Variants in RBFOX1 observed in about 807,000 individuals in gnomAD.
RBFOX1 encodes RNA binding protein fox-1 homolog 1.
Under a neutral mutation model 57.7 loss-of-function variants are expected in RBFOX1, and 8 were observed. The observed-to-expected ratio is 0.14, with a 90% CI of 0.08 to 0.25. RBFOX1 has a LOEUF of 0.25. Ranked by LOEUF, RBFOX1 falls within the 10% of genes least tolerant of loss-of-function variation. The pLI, the probability that RBFOX1 is intolerant of heterozygous loss-of-function variation, is 1.00. For missense variants in RBFOX1, 611 were observed against 548.5 expected (o/e 1.11, Z -1.14); for synonymous variants, 326 against 222.4 (o/e 1.47, Z -4.15).
chr16:7,481,536 T>A (rs1296366760), intron 4 of RBFOX1, among the ~76,000 whole-genome samples: 1 of 152,230 alleles, frequency 6.6e-6, no homozygotes, highest in African/African-American at 2.4e-5. Context: ...GCTGCTAGGC[T>A]GATTTGAAAG....
At chr16:7,243,626 T>C (rs922070138) in intron 4 of RBFOX1, among the ~76,000 whole-genome samples, 1 of 152,124 alleles carries the variant, frequency 6.6e-6, no homozygotes, top group African/African-American at 2.4e-5. Context: ...TAGCTCACTA[T>C]AGCCTCAAAT....
intron 3 of RBFOX1, among the ~76,000 whole-genome samples, chr16:6,837,141 A>T (rs1032863941): frequency 6.6e-6 from 1 of 152,236 alleles, no homozygotes; most frequent in African/African-American, 2.4e-5. Flanking sequence ...TACAGTTTTA[A>T]GTTATTCAGG....
intron 3 of RBFOX1, among the ~76,000 whole-genome samples, chr16:7,022,866 A>C (rs1192810555): frequency 6.6e-6 from 1 of 152,220 alleles, no homozygotes; most frequent in East Asian, 1.9e-4. Flanking sequence ...AACTGCCTCC[A>C]ATGTTCACAC....
intron 3 of RBFOX1, among the ~76,000 whole-genome samples, chr16:6,800,360 C>A (rs2085112014): frequency 6.6e-6 from 1 of 152,098 alleles, no homozygotes; most frequent in African/African-American, 2.4e-5. Flanking sequence ...GTTTTTCATG[C>A]AATAAGTTAA....
chr16:6,026,149 G>A (rs1030333196), intron 1 of RBFOX1, among the ~76,000 whole-genome samples: 2 of 152,042 alleles, frequency 1.3e-5, no homozygotes, highest in African/African-American at 2.4e-5. Context: ...GCCATCCCAG[G>A]GGCATCTTAT....
At chr16:7,179,263 T>C (rs1248086027) in intron 4 of RBFOX1, among the ~76,000 whole-genome samples, 1 of 152,134 alleles carries the variant, frequency 6.6e-6, no homozygotes, top group African/African-American at 2.4e-5. Flanking sequence ...TAAGTTATCC[T>C]TGCTTTCAGA....
chr16:5,896,218 G>A (rs748762021), intron 4 of RBFOX1, among the ~76,000 whole-genome samples: 1 of 152,196 alleles, frequency 6.6e-6, no homozygotes, highest in African/African-American at 2.4e-5. Context: ...GAGCCAAGCT[G>A]CTTGTATCTT....
intron 4 of RBFOX1, among the ~76,000 whole-genome samples, chr16:7,395,756 A>C (rs1041305282): frequency 1.3e-5 from 2 of 152,236 alleles, no homozygotes; most frequent in African/African-American, 2.4e-5. Flanking sequence ...ATCAATAGCA[A>C]TCTGCAATAA....
chr16:5,948,419 G>C (rs988461935), intron 4 of RBFOX1, among the ~76,000 whole-genome samples: 3 of 152,182 alleles, frequency 2.0e-5, no homozygotes, highest in African/African-American at 7.2e-5. Flanking sequence ...GGGTTGAACA[G>C]CGTCTGCCCA....
intron 4 of RBFOX1, among the ~76,000 whole-genome samples, chr16:7,261,433 A>G (rs1006868596): frequency 1.3e-5 from 2 of 152,160 alleles, no homozygotes; most frequent in African/African-American, 2.4e-5. Context: ...TTGGTGCCTA[A>G]TAGTTAAAAG....
At chr16:6,222,147 G>T (rs1177580072) in intron 1 of RBFOX1, among the ~76,000 whole-genome samples, 1 of 152,086 alleles carries the variant, frequency 6.6e-6, no homozygotes, top group African/African-American at 2.4e-5. Context: ...CAAATATGTA[G>T]TCCAATGGAA....
At chr16:6,797,239 G>A (rs570846101) in intron 3 of RBFOX1, among the ~76,000 whole-genome samples, 1 of 152,252 alleles carries the variant, frequency 6.6e-6, no homozygotes, top group Middle Eastern at 3.4e-3. Flanking sequence ...TGCCTTTGAT[G>A]GATATTGTTA....
At chr16:6,471,270 C>T (rs1567350713) in intron 2 of RBFOX1, among the ~76,000 whole-genome samples, 2 of 152,298 alleles carry the variant, frequency 1.3e-5, no homozygotes, top group South Asian at 2.1e-4. Context: ...CAAGCATCAT[C>T]ACCTTTTGAA....
chr16:5,620,023 A>T (rs867541559), intron 3 of RBFOX1, among the ~76,000 whole-genome samples: 6 of 151,914 alleles, frequency 3.9e-5, no homozygotes, highest in African/African-American at 1.4e-4. Context: ...AGTCTCATGA[A>T]ACTCCAAGAC....
intron 4 of RBFOX1, among the ~76,000 whole-genome samples, chr16:7,465,737 C>G (rs112725134): frequency 0.018 from 2,781 of 152,276 alleles, 34 homozygotes; most frequent in Middle Eastern, 0.041. Flanking sequence ...TTGTGGGTCC[C>G]TCTTCAAGCC....
At chr16:5,509,681 G>A (rs2043510346) in intron 2 of RBFOX1, among the ~76,000 whole-genome samples, 2 of 152,318 alleles carry the variant, frequency 1.3e-5, no homozygotes, top group South Asian at 4.1e-4. Context: ...AGCGGCAAGA[G>A]CGGGTGCCAG....
chr16:5,726,379 C>T (rs180726025), intron 3 of RBFOX1, among the ~76,000 whole-genome samples: 13 of 152,258 alleles, frequency 8.5e-5, no homozygotes, highest in African/African-American at 2.4e-4. Flanking sequence ...CTGAATGGCC[C>T]GCATCTACTA....
At chr16:6,657,082 C>G (rs1251932223) in intron 3 of RBFOX1, among the ~76,000 whole-genome samples, 1 of 120,492 alleles carries the variant, frequency 8.3e-6, no homozygotes, top group Non-Finnish European at 1.6e-5. Context: ...CCTCCCCTTT[C>G]CTCTCCTCCC....
intron 2 of RBFOX1, among the ~76,000 whole-genome samples, chr16:6,593,168 G>A (rs1437651311): frequency 6.6e-6 from 1 of 152,052 alleles, no homozygotes; most frequent in Non-Finnish European, 1.5e-5. Flanking sequence ...CTCCAGCCTG[G>A]GCAACAGGAG....
Sources: gnomAD v4.1 joint callset for allele counts (sites outside exome capture counted in the v4.1 genomes callset) on GRCh38, gnomAD v4.1.1 for gene constraint, MANE v1.5 for transcripts, NCBI Gene and HGNC (gene_info 2026-07-23, HGNC 2026-07-21) for gene names.